Variants in NFIB observed in about 807,000 individuals in gnomAD.
The protein encoded by NFIB is nuclear factor 1 B-type.
Under a neutral mutation model 61.5 loss-of-function variants are expected in NFIB, and 11 were observed. The observed-to-expected ratio is 0.18, with a 90% CI of 0.11 to 0.30. The LOEUF (loss-of-function observed/expected upper bound fraction) is 0.30. Among genes scored for constraint, NFIB ranks in the 10% least tolerant of loss-of-function variants. The pLI, the probability that NFIB is intolerant of heterozygous loss-of-function variation, is 1.00. For synonymous variants in NFIB, 260 were observed against 216.5 expected, an observed-to-expected ratio of 1.20 and a Z score of -1.76; for missense variants, 471 against 608.9, an observed-to-expected ratio of 0.77 and a Z score of 2.38.
intron 1 of NFIB, chr9:14,398,382 A>G (rs575257076): frequency 1.3e-5 from 8 of 597,414 alleles, no homozygotes; most frequent in Middle Eastern, 2.7e-4. Context: ...TAGTCGCTCT[A>G]CATTGGAAAA....
rs1051600946 is a variant in NFIB, at chr9:14,185,458, T to C, written c.563-5678A>G. On this transcript the variant is annotated intron_variant, in intron 2 of 10. Transcript: ENST00000380953. ...TACTTTAGCCTTTGGACTCCTTGTG[T>C]GTCTCCTGCATTTGATGTCTCCAAG... is the stretch of plus-strand genomic sequence containing the variant. 5.4e-4 allele frequency among the ~76,000 whole-genome samples: 82 copies of C among 152,236 alleles called. 1 individual carries two copies. The highest frequency in any genetic ancestry group is 7.8e-4 in the Non-Finnish European group (53 of 68,044).
chr9:14,427,937 G>GTTTTTTTTTTTGTTTGTTT, the NFIB span, among the ~76,000 whole-genome samples: 2 of 43,384 alleles, frequency 4.6e-5, no homozygotes, highest in African/African-American at 1.6e-4. Flanking sequence ...TAATTCAGTT[G>GTTTTTTTTTTTGTTTGTTT]TTTTTTTTTT....
intron 2 of NFIB, among the ~76,000 whole-genome samples, chr9:14,271,728 C>T (rs1489539949): frequency 6.6e-6 from 1 of 152,108 alleles, no homozygotes; most frequent in Admixed American, 6.5e-5. Flanking sequence ...ATTAGGGAAC[C>T]TCATGGAAAA....
chr9:14,409,570 G>A, the NFIB span, among the ~76,000 whole-genome samples: 1 of 152,170 alleles, frequency 6.6e-6, no homozygotes, highest in Non-Finnish European at 1.5e-5. Flanking sequence ...ACAGGGCAGT[G>A]CCCCATGAGG....
chr9:14,527,063 A>C, the NFIB span, among the ~76,000 whole-genome samples: 1 of 152,208 alleles, frequency 6.6e-6, no homozygotes. Flanking sequence ...TCATTCCCAC[A>C]TAAGAAAGTA....
chr9:14,141,708 C>A (rs2041722461), intron 6 of NFIB, among the ~76,000 whole-genome samples: 1 of 151,916 alleles, frequency 6.6e-6, no homozygotes, highest in Non-Finnish European at 1.5e-5. Context: ...AAATTAATAA[C>A]ATTTTACTGC....
At chr9:14,473,891 A>G in the NFIB span, among the ~76,000 whole-genome samples, 2 of 152,202 alleles carry the variant, frequency 1.3e-5, no homozygotes, top group Non-Finnish European at 2.9e-5. Context: ...TTTCAGAACC[A>G]TGACCGTTTT....
intron 2 of NFIB, among the ~76,000 whole-genome samples, chr9:14,243,704 A>T (rs1299540996): frequency 6.6e-6 from 1 of 152,136 alleles, no homozygotes; most frequent in African/African-American, 2.4e-5. Context: ...TTTCTTCGTA[A>T]AAGTTCGTCC....
intron 2 of NFIB, among the ~76,000 whole-genome samples, chr9:14,295,480 AC>A (rs1246827874): frequency 6.6e-6 from 1 of 151,692 alleles, no homozygotes. Context: ...CAAAAAAAAA[AC>A]TCAGCCGGGC....
chr9:14,452,742 T>C, the NFIB span, among the ~76,000 whole-genome samples: 1 of 152,106 alleles, frequency 6.6e-6, no homozygotes, highest in African/African-American at 2.4e-5. Context: ...TGCCAAAACA[T>C]TAGGCAGATG....
chr9:14,223,507 C>CA (rs1248964270), intron 2 of NFIB, among the ~76,000 whole-genome samples: 1 of 152,026 alleles, frequency 6.6e-6, no homozygotes, highest in East Asian at 1.9e-4. Context: ...TTTTTTAGGG[C>CA]ATTTGTCTAT....
At chr9:14,283,766 T>A (rs1588119348) in intron 2 of NFIB, among the ~76,000 whole-genome samples, 1 of 152,202 alleles carries the variant, frequency 6.6e-6, no homozygotes, top group East Asian at 1.9e-4. Context: ...CTGTTGCTTG[T>A]AGCTCACTGA....
chr9:14,187,005 C>CTGTGTGTGTGTGTG (rs762584581), intron 2 of NFIB, among the ~76,000 whole-genome samples: 4 of 64,062 alleles, frequency 6.2e-5, no homozygotes, highest in Admixed American at 1.7e-4. Context: ...TTCTTCGCTC[C>CTGTGTGTGTGTGTG]TGTGTGTGTG....
At chr9:14,477,750 G>A in the NFIB span, among the ~76,000 whole-genome samples, 1 of 152,184 alleles carries the variant, frequency 6.6e-6, no homozygotes, top group East Asian at 1.9e-4. Context: ...AATGGAAAGT[G>A]GAGAACGTAT....
chr9:14,214,099 G>T (rs1208188046), intron 2 of NFIB, among the ~76,000 whole-genome samples: 3 of 152,046 alleles, frequency 2.0e-5, no homozygotes, highest in African/African-American at 7.2e-5. Context: ...TCCCCAAATA[G>T]GCCACATCCT....
At chr9:14,182,189 A>C (rs772694259) in intron 2 of NFIB, among the ~76,000 whole-genome samples, 1 of 152,180 alleles carries the variant, frequency 6.6e-6, no homozygotes, top group Non-Finnish European at 1.5e-5. Context: ...TACTAAAAAA[A>C]CCACAAGCAT....
At chr9:14,346,065 C>A (rs1413030639) in intron 1 of NFIB, among the ~76,000 whole-genome samples, 1 of 152,146 alleles carries the variant, frequency 6.6e-6, no homozygotes, top group Non-Finnish European at 1.5e-5. Context: ...CGACCCTGAT[C>A]CCCGGCGCGC....
At chr9:14,206,177 C>T (rs1044281120) in intron 2 of NFIB, among the ~76,000 whole-genome samples, 91 of 135,240 alleles carry the variant, frequency 6.7e-4, no homozygotes, top group Admixed American at 4.3e-3. Flanking sequence ...CTCTCTCTCT[C>T]TTTTTTTTTT....
At chr9:14,414,694 TA>T in the NFIB span, among the ~76,000 whole-genome samples, 43 of 152,194 alleles carry the variant, frequency 2.8e-4, no homozygotes, top group African/African-American at 1.0e-3. Flanking sequence ...ATGTGCTCAG[TA>T]AATGACAATT....
Sources: gnomAD v4.1 joint callset for allele counts (sites outside exome capture counted in the v4.1 genomes callset) on GRCh38, gnomAD v4.1.1 for gene constraint, MANE v1.5 for transcripts, NCBI Gene and HGNC (gene_info 2026-07-23, HGNC 2026-07-21) for gene names.